The following CTNNA1 variants were observed in gnomAD, a reference collection of about 807,000 sequenced individuals.
CTNNA1 encodes catenin alpha 1, also known as catenin alpha-1.
In CTNNA1, 37 loss-of-function variants were observed where a neutral mutation model predicts 98.4. The ratio of observed to expected loss-of-function variants is 0.38; its 90% CI spans 0.29 to 0.49. CTNNA1 has a LOEUF of 0.49. Ranked by LOEUF, CTNNA1 falls within the 20% of genes least tolerant of loss-of-function variation. The pLI is 0.95. For missense variants in CTNNA1, 761 were observed against 1,147.2 expected (o/e 0.66, Z 4.86); for synonymous variants, 404 against 413.2 (o/e 0.98, Z 0.27).
At chr5:138,808,233 G>A (rs917972965) in intron 3 of CTNNA1, among the ~76,000 whole-genome samples, 6 of 152,104 alleles carry the variant, frequency 3.9e-5, no homozygotes, top group South Asian at 2.1e-4. Context: ...ACCAAATGCC[G>A]TGTCTTAACC....
chr5:138,849,773 G>A (rs1763028292), intron 7 of CTNNA1, among the ~76,000 whole-genome samples: 1 of 152,016 alleles, frequency 6.6e-6, no homozygotes, highest in Non-Finnish European at 1.5e-5. Context: ...AAAAAGGTCT[G>A]TTGTTGAACT....
chr5:138,875,185 G>T, intron 7 of CTNNA1: 1 of 352,616 alleles, frequency 2.8e-6, no homozygotes, highest in Non-Finnish European at 5.0e-6. Flanking sequence ...TGCTCAGCTG[G>T]TTAATCAAAG....
intron 1 of CTNNA1, among the ~76,000 whole-genome samples, chr5:138,770,811 GCT>G (rs1753460804): frequency 6.6e-6 from 1 of 152,088 alleles, no homozygotes; most frequent in Non-Finnish European, 1.5e-5. Flanking sequence ...AATTAGCCGG[GCT>G]TGGTGGTGGG....
chr5:138,788,541 T>A (rs768009992), intron 3 of CTNNA1, among the ~76,000 whole-genome samples: 1 of 152,150 alleles, frequency 6.6e-6, no homozygotes, highest in Non-Finnish European at 1.5e-5. Context: ...TCCAGGACAT[T>A]TTTATCATCC....
chr5:138,820,752 G>GA (rs1055124545), intron 5 of CTNNA1, among the ~76,000 whole-genome samples: 2 of 151,536 alleles, frequency 1.3e-5, no homozygotes, highest in Admixed American at 6.6e-5. Context: ...GTTTTGAGGG[G>GA]GGTGAATGCT....
intron 3 of CTNNA1, 151 bp from the exon 4 acceptor site, chr5:138,809,887 A>G (rs1179397220): frequency 2.6e-6 from 3 of 1,136,768 alleles, no homozygotes; most frequent in Middle Eastern, 3.1e-4. Flanking sequence ...AAAACAAACA[A>G]AGGAACAGCA....
At chr5:138,822,973 T>C (rs1451468017) in intron 5 of CTNNA1, among the ~76,000 whole-genome samples, 4 of 152,350 alleles carry the variant, frequency 2.6e-5, no homozygotes, top group African/African-American at 9.6e-5. Flanking sequence ...ATTGACTTTG[T>C]CCTTTCTAAC....
At chr5:138,766,724 A>C (rs1270404196) in intron 1 of CTNNA1, among the ~76,000 whole-genome samples, 1 of 151,894 alleles carries the variant, frequency 6.6e-6, no homozygotes, top group African/African-American at 2.4e-5. Context: ...TGGAGTATAG[A>C]GGGGATGCTT....
At chr5:138,788,721 G>A (rs1755995989) in intron 3 of CTNNA1, among the ~76,000 whole-genome samples, 1 of 152,212 alleles carries the variant, frequency 6.6e-6, no homozygotes, top group Non-Finnish European at 1.5e-5. Context: ...ACTTTCAGGG[G>A]ACAGAGATGA....
intron 7 of CTNNA1, among the ~76,000 whole-genome samples, chr5:138,881,785 A>G (rs1451210494): frequency 6.6e-6 from 1 of 152,016 alleles, no homozygotes; most frequent in Non-Finnish European, 1.5e-5. Context: ...TGAATTTTCT[A>G]ATGGCTGAGG....
intron 5 of CTNNA1, among the ~76,000 whole-genome samples, chr5:138,822,579 A>G (rs1760147444): frequency 6.6e-6 from 1 of 152,226 alleles, no homozygotes; most frequent in Admixed American, 6.5e-5. Flanking sequence ...AGACATTTAG[A>G]AAATGCCACA....
In CTNNA1 at chr5:138,873,864, T is replaced by C. The variant is rs1279914264; in HGVS notation, c.1063-12348T>C. ...ATTTTGTTCCATTGTAAGAAGAGCG[T>C]GTGCAGACTGCTTAGCCGTAGGAAA... On this transcript the variant is annotated intron_variant, in intron 7 of 17. Transcript: ENST00000302763. This position sits in a 1 kb window ranked among gnomAD's most constrained non-coding sequence, Gnocchi z 6.1. 1 of 1,614,058 alleles carries C rather than the reference T, an allele frequency of 6.2e-7. No individual in the cohort carries two copies. The highest frequency in any genetic ancestry group is 8.5e-7 in the Non-Finnish European group (1 of 1,179,896).
At chr5:138,809,836 C>T (rs537789134) in intron 3 of CTNNA1, among the ~76,000 whole-genome samples, 1 of 151,952 alleles carries the variant, frequency 6.6e-6, no homozygotes, top group African/African-American at 2.4e-5. Context: ...ATTTTGCTTT[C>T]ACCAGCAATA....
chr5:138,787,047 G>C (rs1755789502), intron 3 of CTNNA1, among the ~76,000 whole-genome samples: 1 of 152,150 alleles, frequency 6.6e-6, no homozygotes, highest in African/African-American at 2.4e-5. Context: ...AGATGTCTTT[G>C]TTCTGAATCA....
At chr5:138,783,151 T>G in intron 2 of CTNNA1, 26 bp from the exon 3 acceptor site, 2 of 1,541,794 alleles carry the variant, frequency 1.3e-6, no homozygotes, top group Non-Finnish European at 1.8e-6. Context: ...TTGACTCCAG[T>G]TTAATGTTAA....
At chr5:138,821,267 C>A (rs1316823936) in intron 5 of CTNNA1, among the ~76,000 whole-genome samples, 2 of 152,150 alleles carry the variant, frequency 1.3e-5, no homozygotes, top group Non-Finnish European at 2.9e-5. Flanking sequence ...TGAGAAGGAC[C>A]ACTTCTGCCT....
intron 10 of CTNNA1, among the ~76,000 whole-genome samples, chr5:138,912,226 G>A (rs115622978): frequency 0.01 from 1,598 of 152,194 alleles, 26 homozygotes; most frequent in African/African-American, 0.037. Flanking sequence ...CCAGAGCCCC[G>A]GAAGCTGACT....
At chr5:138,818,544 G>T (rs1276832977) in intron 5 of CTNNA1, among the ~76,000 whole-genome samples, 1 of 152,142 alleles carries the variant, frequency 6.6e-6, no homozygotes, top group East Asian at 1.9e-4. Flanking sequence ...TAGTGTGCTG[G>T]TTAGGGAGTG....
chr5:138,893,011 G>C (rs912433022), intron 9 of CTNNA1, among the ~76,000 whole-genome samples: 1 of 152,018 alleles, frequency 6.6e-6, no homozygotes, highest in Admixed American at 6.5e-5. Context: ...GATAGACTCC[G>C]TCTCAAAATA....
Sources: gnomAD v4.1 joint callset for allele counts (sites outside exome capture counted in the v4.1 genomes callset) on GRCh38, gnomAD v4.1.1 for gene constraint, Gnocchi (gnomAD v3.1) non-coding constraint, MANE v1.5 for transcripts, NCBI Gene and HGNC (gene_info 2026-07-23, HGNC 2026-07-21) for gene names.